Variants in NOL12 observed in about 807,000 individuals in gnomAD.
The protein encoded by NOL12 is nucleolar protein 12.
NOL12 carries 21 observed loss-of-function variants against 25.2 expected under a neutral mutation model. That is an observed-to-expected ratio of 0.83 (90% confidence interval 0.59 to 1.20). The LOEUF is 1.20. Among genes scored for constraint, NOL12 ranks in the 50% most tolerant of loss-of-function variants. The pLI is 0.00. For synonymous variants in NOL12, 133 were observed against 113.8 expected (o/e 1.17, Z -1.08); for missense variants, 286 against 287.6 (o/e 0.99, Z 0.04).
chr22:37,692,674 G>T lies in NOL12; in HGVS notation c.*1338G>T, dbSNP rs1447576343. ...GGAGTCAGGATGACAGGACAGTGCG[G>T]TGAGGGGCATCTGCGACAGGACTGC... is the stretch of plus-strand genomic sequence containing the variant. On this transcript the variant is annotated 3_prime_UTR_variant, in exon 6 of 6. Coordinates refer to ENST00000359114, the MANE Select transcript of NOL12 (RefSeq NM_024313.3). The T allele has an allele frequency of 2.5e-6, 1 of 398,878 alleles. No individual in the cohort carries two copies. The allele number at this position is 398,878 out of a possible 1,614,324, so 24.7% of individuals were successfully genotyped here.
intron 1 of NOL12, chr22:37,687,689 G>A (rs1180666596): frequency 2.0e-5 from 8 of 397,318 alleles, no homozygotes; most frequent in Non-Finnish European, 3.3e-5. Context: ...AACTCCTGGC[G>A]TCATGTGATC....
chr22:37,687,863 C>T (rs1302945938), intron 1 of NOL12, 47 bp from the exon 2 acceptor site: 2 of 1,450,010 alleles, frequency 1.4e-6, no homozygotes, highest in Admixed American at 3.9e-5. Context: ...GAGCCCTTCT[C>T]TCCTTGTATA....
chr22:37,692,813 C>CT lies in NOL12; in HGVS notation c.*1479dup. ...CAGCCAGGCCTTACAGTGGGGCAGG[C>CT]TTAGTGACTGTGCCTCAGTTATGCT... On this transcript the variant is annotated 3_prime_UTR_variant, in exon 6 of 6. Coordinates refer to ENST00000359114, the MANE Select transcript of NOL12 (RefSeq NM_024313.3). The CT allele has an allele frequency of 5.0e-6, 2 of 397,972 alleles. No individual in the cohort carries two copies. The highest frequency in any genetic ancestry group is 8.8e-6 in the Non-Finnish European group (2 of 226,110). 24.7% of individuals were successfully genotyped at this position (397,972 alleles called of 1,614,324 possible).
chr22:37,687,740 G>C lies in NOL12; in HGVS notation c.84-170G>C, dbSNP rs548384870. 11 of 531,174 alleles carry C rather than the reference G, an allele frequency of 2.1e-5. No individual in the cohort carries two copies. The South Asian group carries it at 2.2e-4, about 11-fold the overall frequency. The allele number at this position is 531,174 out of a possible 1,614,324, so 32.9% of individuals were successfully genotyped here. ...TCCAAAGTACTGGGATTACAGGCGT[G>C]AGCCACCATGCCTGGCCATTGTTGT... On this transcript the variant is annotated intron_variant, in intron 1 of 5. Coordinates refer to ENST00000359114, the MANE Select transcript of NOL12 (RefSeq NM_024313.3).
chr22:37,689,595 C>T lies in NOL12; in HGVS notation c.381+603C>T, dbSNP rs572645347. Among the ~76,000 whole-genome samples, 3 of 152,300 alleles carry T rather than the reference C, an allele frequency of 2.0e-5. No individual in the cohort carries two copies. The South Asian group carries it at 6.2e-4, about 32-fold the overall frequency. On this transcript the variant is annotated intron_variant, in intron 4 of 5. Coordinates refer to ENST00000359114, the MANE Select transcript of NOL12 (RefSeq NM_024313.3). The stretch of plus-strand genomic sequence containing the variant: ...TCATGTTAAATATTGTTTCATGAGA[C>T]AGCTGTTTCCACTGGAGTTGTATCT...
At chr22:37,687,196 C>A (rs912309019) in intron 1 of NOL12, 35 of 637,702 alleles carry the variant, frequency 5.5e-5, no homozygotes, top group Non-Finnish European at 6.4e-5. Flanking sequence ...GCCCTGAAAA[C>A]CCTGTTGAGA....
rs1396972780 is a variant in NOL12, at chr22:37,693,018, C to T, written c.*1682C>T. The T allele has an allele frequency of 3.6e-5, 10 of 278,516 alleles. No individual in the cohort carries two copies. The highest frequency in any genetic ancestry group is 9.7e-4 in the Middle Eastern group (1 of 1,032). 17.3% of individuals were successfully genotyped at this position (278,516 alleles called of 1,614,324 possible). On this transcript the variant is annotated 3_prime_UTR_variant, in exon 6 of 6. Transcript: ENST00000359114. ...CTCCCTGCCACCAAGTTGTCTTCCC[C>T]GGGTGGCATGTGCCACTTGGCTGCC...
intron 3 of NOL12, 123 bp downstream of exon 3, chr22:37,688,483 CA>C: frequency 9.9e-7 from 1 of 1,008,988 alleles, no homozygotes; most frequent in Non-Finnish European, 1.6e-6. Context: ...ACCCTGGGGC[CA>C]GGGGTGGTCC....
intron 4 of NOL12, 27 bp from the exon 5 acceptor site, chr22:37,690,670 G>A (rs1185554633): frequency 6.3e-7 from 1 of 1,575,724 alleles, no homozygotes. Flanking sequence ...ACTGCTCCAT[G>A]TAAGTCATTG....
Position 37,691,630 on chromosome 22 carries a change from T to TGTGGAACTCATCAGATTA in NOL12, c.*297_*298insGAACTCATCAGATTAGTG. On this transcript the variant is annotated 3_prime_UTR_variant, in exon 6 of 6. Transcript: ENST00000359114. ...CACCCCACCTGGCACTCATCAGATT[T>TGTGGAACTCATCAGATTA]GTGCGCTTGTGATTTGTTTGTCCTT... 2.6e-6 allele frequency: 1 copy of TGTGGAACTCATCAGATTA among 378,792 alleles called. No homozygotes were observed. The highest frequency in any genetic ancestry group is 4.3e-5 in the East Asian group (1 of 23,214). 23.5% of individuals were successfully genotyped at this position (378,792 alleles called of 1,614,324 possible). A position where few individuals can be genotyped will look rare whatever the true frequency, so the allele number is the denominator to read the frequency against.
At position 37,688,841 on chromosome 22, in the gene NOL12, C is replaced by A. The variant is rs775565031; in HGVS notation, c.239-9C>A. ...GTGACTGAGACCAGGTCTGTGTCCA[C>A]CCCCACAGAGGAGGCAGATGAGCTG... On this transcript the variant is annotated splice_polypyrimidine_tract_variant and intron_variant, in intron 3 of 5. Coordinates refer to ENST00000359114, the MANE Select transcript of NOL12 (RefSeq NM_024313.3). 6 of 1,613,740 alleles carry A rather than the reference C, an allele frequency of 3.7e-6. 1 individual carries two copies. In the African/African-American group the frequency reaches 5.3e-5, roughly 14 times the overall value.
At position 37,690,602 on chromosome 22, in the gene NOL12, C is replaced by T. The variant is rs911523379; in HGVS notation, c.382-95C>T. On this transcript the variant is annotated intron_variant, in intron 4 of 5. Transcript: ENST00000359114. ...CCCAGGCCTGTGATGCAGCAGGGCG[C>T]GCCACCACTTGCCAGAGCCATGGTG... 71 of 810,594 alleles carry T rather than the reference C, an allele frequency of 8.8e-5. 1 individual carries two copies. The highest frequency in any genetic ancestry group is 6.9e-4 in the South Asian group (43 of 61,980). 50.2% of individuals were successfully genotyped at this position (810,594 alleles called of 1,614,324 possible). A position where few individuals can be genotyped will look rare whatever the true frequency, so the allele number is the denominator to read the frequency against.
chr22:37,690,645 C>T, intron 4 of NOL12, 52 bp from the exon 5 acceptor site: 1 of 1,405,504 alleles, frequency 7.1e-7, no homozygotes, highest in Admixed American at 1.8e-5. Context: ...GTGCCCAGCC[C>T]AGGTCCCCCC....
chr22:37,688,209 A>C (rs1012466369), intron 2 of NOL12, 103 bp from the exon 3 acceptor site: 66 of 1,302,142 alleles, frequency 5.1e-5, no homozygotes, highest in Non-Finnish European at 7.2e-5. Context: ...CTGATCTTGC[A>C]GTATGGATCA....
chr22:37,686,838 C>A, intron 1 of NOL12: 1 of 985,456 alleles, frequency 1.0e-6, no homozygotes, highest in Middle Eastern at 5.2e-4. Context: ...TAAGTTCATT[C>A]ATTCGCTCCC....
intron 4 of NOL12, 54 bp from the exon 5 acceptor site, chr22:37,690,643 C>A: frequency 7.3e-7 from 1 of 1,374,580 alleles, no homozygotes; most frequent in Non-Finnish European, 1.0e-6. Context: ...GGGTGCCCAG[C>A]CCAGGTCCCC....
At position 37,691,312 on chromosome 22, in the gene NOL12, C is replaced by G; in HGVS notation, c.618C>G (p.Gly206=). 1 of 1,612,972 alleles carries G rather than the reference C, an allele frequency of 6.2e-7. No individual in the cohort carries two copies. Among genetic ancestry groups the G allele is most frequent in the Non-Finnish European group, 8.5e-7 (1 of 1,179,468 alleles). ...TSKAQRRRLT[G]KARHSGE ...AGGCCCAGCGCCGCCGTCTCACAGG[C>G]AAAGCACGGCACAGCGGGGAGTGAG... is the stretch of plus-strand genomic sequence containing the variant. Residue 206 remains glycine (G), a synonymous_variant, in exon 6 of 6, where the codon GGC becomes GGG. Coordinates refer to ENST00000359114, the MANE Select transcript of NOL12 (RefSeq NM_024313.3).
rs1235729257 is a variant in NOL12 at position 37,691,214 on chromosome 22, A to C, written c.520A>C (p.Lys174Gln). 6.2e-7 allele frequency: 1 copy of C among 1,613,722 alleles called. No homozygotes were observed. The highest frequency in any genetic ancestry group is 1.3e-5 in the African/African-American group (1 of 75,036). ...LTASLHAHSR[K>Q]KVKRKHPRRA... ...AGCATCACTACATGCACACAGCCGC[A>C]AAAAGGTCAAGAGGAAACATCCCCG... The change falls in exon 6 of 6, where the codon AAA (lysine) becomes CAA (glutamine). Residue 174 changes from lysine (K) to glutamine (Q), a missense_variant. Transcript: ENST00000359114.
Position 37,690,755 on chromosome 22 carries a change from C to T in NOL12, c.440C>T (p.Ala147Val), listed in dbSNP as rs1017420082. The T allele has an allele frequency of 6.2e-7, 1 of 1,613,994 alleles. No individual in the cohort carries two copies. The change falls in exon 5 of 6, where the codon GCC (alanine) becomes GTC (valine). Residue 147 changes from alanine to valine, a missense_variant. By Grantham distance (64) the Ala-to-Val change is moderately conservative. Transcript: ENST00000359114. The stretch of plus-strand genomic sequence containing the variant: ...TCATCCACGGAGAAACCAACCAAAG[C>T]CTTGCCCAGGAAGTCCAGAGACCCC... The part of the protein sequence containing the change: ...EASSTEKPTK[A>V]LPRKSRDPLL...
Sources: gnomAD v4.1 joint callset for allele counts (sites outside exome capture counted in the v4.1 genomes callset) on GRCh38, gnomAD v4.1.1 for gene constraint, MANE v1.5 for transcripts, NCBI Gene and HGNC (gene_info 2026-07-23, HGNC 2026-07-21) for gene names.